Variants in ROBO2 observed in about 807,000 individuals in gnomAD.
ROBO2 encodes roundabout guidance receptor 2.
A neutral mutation model predicts 160.8 loss-of-function variants in ROBO2; 53 were observed. The ratio of observed to expected loss-of-function variants is 0.33; its 90% CI spans 0.26 to 0.41. The LOEUF is 0.41. Among genes scored for constraint, ROBO2 ranks in the 10% least tolerant of loss-of-function variants. ROBO2 has a pLI of 1.00. For synonymous variants in ROBO2, 664 were observed against 611.7 expected (o/e 1.09, Z -1.26); for missense variants, 1,577 against 1,722.4 (o/e 0.92, Z 1.49).
intron 2 of ROBO2, among the ~76,000 whole-genome samples, chr3:76,064,906 G>A (rs898715853): frequency 1.3e-5 from 2 of 152,076 alleles, no homozygotes; most frequent in Admixed American, 1.3e-4. Flanking sequence ...ATAAAAGAAA[G>A]GTATGATTTT....
chr3:76,112,919 A>G (rs566663592), intron 2 of ROBO2, among the ~76,000 whole-genome samples: 8 of 152,242 alleles, frequency 5.3e-5, no homozygotes, highest in African/African-American at 1.7e-4. Context: ...TCTAAATGAT[A>G]TAATACTTTA....
intron 2 of ROBO2, among the ~76,000 whole-genome samples, chr3:76,879,380 G>A (rs909909979): frequency 4.0e-4 from 61 of 152,040 alleles, no homozygotes; most frequent in East Asian, 1.9e-4. Flanking sequence ...ACAAGCTCCC[G>A]GGAGAGGTCC....
At chr3:76,072,594 C>A (rs1292701571) in intron 2 of ROBO2, among the ~76,000 whole-genome samples, 1 of 152,032 alleles carries the variant, frequency 6.6e-6, no homozygotes, top group Non-Finnish European at 1.5e-5. Context: ...GACCTACAAA[C>A]TCCTCTTGTA....
At chr3:76,895,507 C>A (rs1448636320) in intron 2 of ROBO2, among the ~76,000 whole-genome samples, 1 of 151,916 alleles carries the variant, frequency 6.6e-6, no homozygotes, top group African/African-American at 2.4e-5. Context: ...TTTATAATTT[C>A]TTTATTGATT....
chr3:76,656,947 A>G (rs2091555599), intron 2 of ROBO2, among the ~76,000 whole-genome samples: 1 of 152,146 alleles, frequency 6.6e-6, no homozygotes, highest in South Asian at 2.1e-4. Context: ...CTGGCTCTCT[A>G]TTTAGTCTTT....
chr3:76,625,420 C>G (rs761372462), intron 2 of ROBO2, among the ~76,000 whole-genome samples: 22 of 151,976 alleles, frequency 1.4e-4, no homozygotes, highest in Non-Finnish European at 2.8e-4. Flanking sequence ...AACAACACAG[C>G]CAGATGTCAT....
intron 2 of ROBO2, among the ~76,000 whole-genome samples, chr3:76,604,209 G>A (rs964825595): frequency 2.6e-5 from 4 of 152,106 alleles, no homozygotes; most frequent in African/African-American, 9.7e-5. Context: ...ATTGCTGTGT[G>A]TCTATAGCAC....
At position 76,326,383 on chromosome 3, in the gene ROBO2, G is replaced by C. The variant is rs147170112; in HGVS notation, c.109+388781G>C. On this transcript the variant is annotated intron_variant, in intron 2 of 26. Transcript: ENST00000487694. ...TTTTTTTGATGTTCACATGCATGTA[G>C]ATAGGCAGATAAATGGATGAGTGTG... Among the ~76,000 whole-genome samples, 181 of 152,198 alleles carry C rather than the reference G, an allele frequency of 1.2e-3. 5 individuals carry two copies. The East Asian group carries it at 0.032, about 27-fold the overall frequency.
At chr3:77,526,555 T>C (rs572356983) in intron 6 of ROBO2, among the ~76,000 whole-genome samples, 2 of 151,592 alleles carry the variant, frequency 1.3e-5, no homozygotes, top group African/African-American at 2.4e-5. Context: ...TATAAAATGG[T>C]TTACCGTCTA....
At chr3:76,481,214 G>T (rs2079188442) in intron 2 of ROBO2, among the ~76,000 whole-genome samples, 1 of 152,126 alleles carries the variant, frequency 6.6e-6, no homozygotes, top group Non-Finnish European at 1.5e-5. Flanking sequence ...TCAAACATTA[G>T]TATGTATTAG....
chr3:76,095,406 T>C (rs921618030), intron 2 of ROBO2, among the ~76,000 whole-genome samples: 1 of 151,932 alleles, frequency 6.6e-6, no homozygotes, highest in African/African-American at 2.4e-5. Context: ...AAAGGAAAGA[T>C]AATATAATAA....
intron 21 of ROBO2, among the ~76,000 whole-genome samples, chr3:77,616,300 G>C (rs965504088): frequency 6.6e-6 from 1 of 152,080 alleles, no homozygotes; most frequent in Admixed American, 6.6e-5. Context: ...AGGAAATAGT[G>C]CGAGATTAAG....
exon 26 of ROBO2, chr3:77,648,655 A>C (rs1273301779): frequency 6.6e-6 from 1 of 152,220 alleles, no homozygotes; most frequent in Non-Finnish European, 1.5e-5. Flanking sequence ...AGCTATACAA[A>C]GGAATTCAGA....
rs17013865 is a variant in ROBO2, at chr3:76,131,938, C to A, written c.109+194336C>A. Among the ~76,000 whole-genome samples the A allele has an allele frequency of 2.0e-5, 3 of 151,954 alleles. No homozygotes were observed. In the East Asian group the frequency reaches 5.8e-4, roughly 30 times the overall value. ...TTAGGAAAATTAAATCACGGTGACA[C>A]GTAACCAAATATTACTAGCAAAGCT... On this transcript the variant is annotated intron_variant, in intron 2 of 26. Coordinates refer to the ROBO2 transcript ENST00000487694.
intron 2 of ROBO2, among the ~76,000 whole-genome samples, chr3:76,612,519 G>C (rs191561753): frequency 6.6e-6 from 1 of 152,198 alleles, no homozygotes; most frequent in Admixed American, 6.5e-5. Context: ...ATGGACACAG[G>C]GAGGGGAACA....
intron 1 of ROBO2, among the ~76,000 whole-genome samples, chr3:75,922,892 A>G (rs1206657485): frequency 6.6e-6 from 1 of 152,178 alleles, no homozygotes; most frequent in African/African-American, 2.4e-5. Flanking sequence ...TAGGAAAATA[A>G]TGACAAATGC....
At chr3:76,218,664 C>G (rs9756084) in intron 2 of ROBO2, among the ~76,000 whole-genome samples, 2,968 of 151,996 alleles carry the variant, frequency 0.02, 28 homozygotes, top group Middle Eastern at 0.044. Flanking sequence ...AAATAAAAGA[C>G]GATACAAACA....
chr3:76,035,427 T>C (rs2107733472), intron 2 of ROBO2, among the ~76,000 whole-genome samples: 1 of 152,064 alleles, frequency 6.6e-6, no homozygotes, highest in Non-Finnish European at 1.5e-5. Context: ...TGTTTGTTTG[T>C]TTGTTTTTTT....
chr3:77,222,459 C>A (rs1304816117), intron 2 of ROBO2, among the ~76,000 whole-genome samples: 1 of 152,018 alleles, frequency 6.6e-6, no homozygotes, highest in Non-Finnish European at 1.5e-5. Flanking sequence ...AGATGAAAGA[C>A]TTTTTCAGAA....
Sources: allele counts gnomAD v4.1 joint callset (sites outside exome capture counted in the v4.1 genomes callset), GRCh38; gene constraint gnomAD v4.1.1; transcripts MANE v1.5; gene names NCBI Gene and HGNC (gene_info 2026-07-23, HGNC 2026-07-21).